TLK1: variants seen among roughly 807,000 people sequenced by gnomAD.
The protein encoded by TLK1 is tousled like kinase 1, also known as serine/threonine-protein kinase tousled-like 1.
A neutral mutation model predicts 105.3 loss-of-function variants in TLK1; 24 were observed. The ratio of observed to expected loss-of-function variants is 0.23; its 90% CI spans 0.17 to 0.32. TLK1 has a LOEUF of 0.32. TLK1 is among the 10% of genes least tolerant of loss of function. The pLI, the probability that TLK1 is intolerant of heterozygous loss-of-function variation, is 1.00. For missense variants in TLK1, 558 were observed against 910.5 expected, an observed-to-expected ratio of 0.61 and a Z score of 4.98; for synonymous variants, 321 against 310.4, an observed-to-expected ratio of 1.03 and a Z score of -0.36.
intron 5 of TLK1, 43 bp downstream of exon 5, chr2:171,058,108 T>G (rs762823790): frequency 1.3e-6 from 2 of 1,598,616 alleles, no homozygotes; most frequent in Non-Finnish European, 1.7e-6. Flanking sequence ...CACAGCAGAA[T>G]AGTACTGAAT....
intron 8 of TLK1, among the ~76,000 whole-genome samples, chr2:171,050,488 C>A (rs976929217): frequency 1.3e-5 from 2 of 152,144 alleles, no homozygotes; most frequent in African/African-American, 2.4e-5. Flanking sequence ...AGAAGCAACA[C>A]AATCTACCTC....
At chr2:171,204,710 A>G (rs1172927683) in intron 1 of TLK1, among the ~76,000 whole-genome samples, 12 of 152,122 alleles carry the variant, frequency 7.9e-5, no homozygotes, top group Non-Finnish European at 1.6e-4. Flanking sequence ...TGTAATCCCA[A>G]CACTTTGGGA....
At chr2:171,176,792 C>T (rs1692837121) in intron 1 of TLK1, among the ~76,000 whole-genome samples, 1 of 152,106 alleles carries the variant, frequency 6.6e-6, no homozygotes, top group Admixed American at 6.5e-5. Context: ...TGAGCATTCT[C>T]TGCCTTGCTC....
intron 4 of TLK1, among the ~76,000 whole-genome samples, chr2:171,059,077 G>A (rs1387020148): frequency 6.6e-6 from 1 of 152,066 alleles, no homozygotes; most frequent in Admixed American, 6.6e-5. Flanking sequence ...AACAAGGTGG[G>A]GGGAATTTTT....
intron 1 of TLK1, among the ~76,000 whole-genome samples, chr2:171,190,115 T>C (rs773473064): frequency 6.6e-6 from 1 of 152,226 alleles, no homozygotes; most frequent in African/African-American, 2.4e-5. Context: ...TGACTTTTCT[T>C]TTCCATTCGA....
At chr2:171,161,078 G>T (rs893246017), upstream of TLK1, among the ~76,000 whole-genome samples, 133 of 148,534 alleles carry the variant, frequency 9.0e-4, no homozygotes, top group African/African-American at 3.0e-3. Context: ...CGCGAGGGAA[G>T]AGACTAGAGC....
At chr2:171,058,593 G>A (rs948734454) in intron 4 of TLK1, among the ~76,000 whole-genome samples, 20 of 152,098 alleles carry the variant, frequency 1.3e-4, no homozygotes, top group South Asian at 2.1e-4. Context: ...TTTGTAAAAT[G>A]TATTTTGATT....
Position 171,160,537 on chromosome 2 carries a change from G to C in TLK1, c.-109C>G. 6.5e-7 allele frequency: 1 copy of C among 1,546,244 alleles called. No individual in the cohort carries two copies. Among genetic ancestry groups the C allele is most frequent in the South Asian group, 1.2e-5 (1 of 84,088 alleles). ...GGCCGCGCTGAGGGCGAGCGAGAGA[G>C]CGAGGGCTGGGAGGGGAGAGTCAAG... On this transcript the variant is annotated 5_prime_UTR_variant, in exon 1 of 21. Transcript: ENST00000431350. The surrounding 1 kb of genome is among the most constrained non-coding windows in gnomAD (Gnocchi z 4.4).
At chr2:171,205,329 T>C (rs1424621629) in intron 1 of TLK1, among the ~76,000 whole-genome samples, 1 of 152,114 alleles carries the variant, frequency 6.6e-6, no homozygotes, top group Non-Finnish European at 1.5e-5. Context: ...ACAGCTTTTT[T>C]TTTTTTTTCC....
At chr2:171,001,424 G>A (rs1684366081) in intron 18 of TLK1, among the ~76,000 whole-genome samples, 1 of 152,154 alleles carries the variant, frequency 6.6e-6, no homozygotes, top group African/African-American at 2.4e-5. Context: ...GGTACTTCCT[G>A]ACTTCAGGGA....
intron 1 of TLK1, among the ~76,000 whole-genome samples, chr2:171,138,752 T>C (rs532707653): frequency 6.6e-6 from 1 of 152,184 alleles, no homozygotes; most frequent in Non-Finnish European, 1.5e-5. Flanking sequence ...AAATAACATG[T>C]AATACCACCC....
chr2:171,037,496 CA>C (rs1686421645), intron 11 of TLK1, among the ~76,000 whole-genome samples: 1 of 150,648 alleles, frequency 6.6e-6, no homozygotes, highest in Admixed American at 6.6e-5. Flanking sequence ...TGGAGATACT[CA>C]AGCAAAAGTA....
At chr2:171,096,884 T>A (rs1330428928) in intron 2 of TLK1, among the ~76,000 whole-genome samples, 1 of 152,158 alleles carries the variant, frequency 6.6e-6, no homozygotes, top group Non-Finnish European at 1.5e-5. Flanking sequence ...AAAGAATTAA[T>A]ATTGTTTAAC....
At chr2:171,201,262 G>C (rs1197907322) in intron 1 of TLK1, among the ~76,000 whole-genome samples, 1 of 152,052 alleles carries the variant, frequency 6.6e-6, no homozygotes, top group Non-Finnish European at 1.5e-5. Context: ...GAGTATGTTT[G>C]AGATTAATTT....
rs946745844 is a variant in TLK1 at position 171,020,336 on chromosome 2, T to G, written c.1237-5388A>C. ...GTGGGTGGATCATGAGGTCAGGAGTTTGAGACCAGCCTGGCCAACACAGTG... is the reference window on the plus strand; with the variant it reads ...GTGGGTGGATCATGAGGTCAGGAGTGTGAGACCAGCCTGGCCAACACAGTG... On this transcript the variant is annotated intron_variant, in intron 12 of 20. Transcript: ENST00000431350. Among the ~76,000 whole-genome samples, 10 of 151,944 alleles carry G rather than the reference T, an allele frequency of 6.6e-5. No homozygotes were observed. The East Asian group carries it at 1.9e-3, about 30-fold the overall frequency.
intron 1 of TLK1, among the ~76,000 whole-genome samples, chr2:171,145,199 T>C (rs1269882089): frequency 2.0e-5 from 3 of 151,888 alleles, no homozygotes; most frequent in African/African-American, 7.3e-5. Context: ...TCCTAGCTAC[T>C]GGAAAGGCTG....
intron 18 of TLK1, among the ~76,000 whole-genome samples, chr2:171,003,944 T>C (rs966749092): frequency 6.6e-6 from 1 of 152,206 alleles, no homozygotes; most frequent in Non-Finnish European, 1.5e-5. Context: ...ACATACCTTT[T>C]TCTTAATTTT....
At chr2:171,036,816 T>A (rs910894681) in intron 11 of TLK1, among the ~76,000 whole-genome samples, 1 of 152,188 alleles carries the variant, frequency 6.6e-6, no homozygotes, top group Non-Finnish European at 1.5e-5. Context: ...TCAGACTTTG[T>A]GCTGACACTG....
At chr2:171,007,132 T>C in intron 14 of TLK1, 69 bp from the exon 15 acceptor site, 3 of 1,357,710 alleles carry the variant, frequency 2.2e-6, no homozygotes, top group South Asian at 2.7e-5. Flanking sequence ...GTTTTTTATT[T>C]TGGTGATAAT....
Sources: allele counts gnomAD v4.1 joint callset (sites outside exome capture counted in the v4.1 genomes callset), GRCh38; gene constraint gnomAD v4.1.1; non-coding constraint Gnocchi (gnomAD v3.1); transcripts MANE v1.5; gene names NCBI Gene and HGNC (gene_info 2026-07-23, HGNC 2026-07-21).